OXR1: variants seen among roughly 807,000 people sequenced by gnomAD.
OXR1 encodes oxidation resistance protein 1.
In OXR1, 41 loss-of-function variants were observed where a neutral mutation model predicts 104.6. That is an observed-to-expected ratio of 0.39 (90% CI 0.31 to 0.51). The LOEUF is 0.51. Ranked by LOEUF, OXR1 falls within the 20% of genes least tolerant of loss-of-function variation. The pLI, the probability that OXR1 is intolerant of heterozygous loss-of-function variation, is 0.77. For missense variants in OXR1, 955 were observed against 1,031.9 expected (o/e 0.93, Z 1.02); for synonymous variants, 348 against 348.4 (o/e 1.00, Z 0.01).
At chr8:106,438,668 T>G (rs1819671514) in intron 2 of OXR1, among the ~76,000 whole-genome samples, 1 of 152,166 alleles carries the variant, frequency 6.6e-6, no homozygotes, top group South Asian at 2.1e-4. Context: ...AGATTTGTTC[T>G]TAGTGTTAAA....
chr8:106,610,301 A>C (rs1403053233), intron 3 of OXR1, among the ~76,000 whole-genome samples: 1 of 152,106 alleles, frequency 6.6e-6, no homozygotes, highest in Non-Finnish European at 1.5e-5. Flanking sequence ...AGCTTCATAT[A>C]TCACACAGTT....
At chr8:106,660,626 G>T (rs571308933) in intron 3 of OXR1, among the ~76,000 whole-genome samples, 3 of 152,132 alleles carry the variant, frequency 2.0e-5, no homozygotes, top group Non-Finnish European at 4.4e-5. Flanking sequence ...GAGGAGTTAC[G>T]CATCAAGAAG....
intron 1 of OXR1, among the ~76,000 whole-genome samples, chr8:106,334,427 T>C (rs141530320): frequency 4.1e-4 from 63 of 152,290 alleles, no homozygotes; most frequent in African/African-American, 1.4e-3. Context: ...ATGCCTTTTA[T>C]TTCATTTTTG....
chr8:106,277,985 A>G (rs1439739067), intron 1 of OXR1, among the ~76,000 whole-genome samples: 1 of 152,190 alleles, frequency 6.6e-6, no homozygotes, highest in East Asian at 1.9e-4. Context: ...TGCTAGCACA[A>G]TAAGAAGCCA....
intron 2 of OXR1, among the ~76,000 whole-genome samples, chr8:106,391,241 A>G (rs1391845140): frequency 6.6e-6 from 1 of 152,190 alleles, no homozygotes; most frequent in Non-Finnish European, 1.5e-5. Context: ...ATTTTTTCAC[A>G]ACTAAAAGTT....
In OXR1 at chr8:106,707,036, T is replaced by G; in HGVS notation, c.1515T>G (p.Leu505=). The change falls in exon 9 of 17, where the codon CTT becomes CTG. Residue 505 remains leucine, a synonymous_variant. Transcript: ENST00000517566. ...SQTEAEELRK[L]WKTHTMQQTK... ...CAGAGGCAGAAGAGCTACGCAAACT[T>G]TGGAAAACCCATACTATGCAACAAA... The G allele has an allele frequency of 6.2e-7, 1 of 1,613,888 alleles. No homozygotes were observed. Among genetic ancestry groups the G allele is most frequent in the Non-Finnish European group, 8.5e-7 (1 of 1,179,946 alleles).
chr8:106,410,895 T>C (rs1818431883), intron 2 of OXR1, among the ~76,000 whole-genome samples: 1 of 152,166 alleles, frequency 6.6e-6, no homozygotes, highest in African/African-American at 2.4e-5. Context: ...TCCCCAGAAA[T>C]GACTCATTTG....
At chr8:106,339,508 AAAAAAAAAAAAATATATATATAT>A (rs1563725848) in intron 1 of OXR1, among the ~76,000 whole-genome samples, 7 of 48,138 alleles carry the variant, frequency 1.5e-4, no homozygotes, top group African/African-American at 8.7e-4. Context: ...AAAAAAAAAA[AAAAAAAAAAAAATATATATATAT>A]ATATATATAT....
intron 1 of OXR1, among the ~76,000 whole-genome samples, chr8:106,318,318 A>G (rs1359384574): frequency 6.6e-6 from 1 of 152,158 alleles, no homozygotes; most frequent in Non-Finnish European, 1.5e-5. Flanking sequence ...GTTGTATAGT[A>G]TTTATTGCAG....
chr8:106,346,206 T>C (rs1815474108), intron 1 of OXR1, among the ~76,000 whole-genome samples: 1 of 151,980 alleles, frequency 6.6e-6, no homozygotes, highest in Admixed American at 6.6e-5. Context: ...TATAAATAAG[T>C]GTTATCAGAA....
chr8:106,702,780 C>T, intron 7 of OXR1, 126 bp from the exon 8 acceptor site: 1 of 661,840 alleles, frequency 1.5e-6, no homozygotes. Flanking sequence ...CATGAGAATG[C>T]CACAGTTCCT....
intron 3 of OXR1, among the ~76,000 whole-genome samples, chr8:106,544,330 C>T (rs935952107): frequency 5.9e-5 from 9 of 151,830 alleles, no homozygotes; most frequent in Admixed American, 3.9e-4. Flanking sequence ...TTGAAATGTC[C>T]AGCTTTTCTT....
chr8:106,507,758 A>G (rs1161634565), intron 2 of OXR1, among the ~76,000 whole-genome samples: 1 of 152,196 alleles, frequency 6.6e-6, no homozygotes, highest in African/African-American at 2.4e-5. Flanking sequence ...ATCACTTCGG[A>G]GTAAAGCCTT....
intron 3 of OXR1, among the ~76,000 whole-genome samples, chr8:106,619,122 A>G: frequency 6.6e-6 from 1 of 152,192 alleles, no homozygotes; most frequent in Non-Finnish European, 1.5e-5. Context: ...AATTACCATT[A>G]CTAGGTTAGT....
chr8:106,449,724 A>C (rs1820208289), intron 2 of OXR1, among the ~76,000 whole-genome samples: 1 of 152,154 alleles, frequency 6.6e-6, no homozygotes, highest in Non-Finnish European at 1.5e-5. Context: ...TAGATATTCA[A>C]ATTACAAAAT....
chr8:106,597,038 C>T (rs190827209), intron 3 of OXR1, among the ~76,000 whole-genome samples: 2 of 151,952 alleles, frequency 1.3e-5, no homozygotes, highest in South Asian at 2.1e-4. Flanking sequence ...GGGGACAGAG[C>T]GAGACTGCAC....
chr8:106,583,593 A>C (rs902667972), intron 3 of OXR1, among the ~76,000 whole-genome samples: 1 of 152,122 alleles, frequency 6.6e-6, no homozygotes, highest in Admixed American at 6.5e-5. Context: ...AAGGACCAAA[A>C]CCAGAAGAGG....
intron 2 of OXR1, among the ~76,000 whole-genome samples, chr8:106,507,125 T>C (rs527851356): frequency 6.6e-6 from 1 of 152,106 alleles, no homozygotes; most frequent in Non-Finnish European, 1.5e-5. Context: ...CAAGGAATAG[T>C]GAAAAAGGGA....
Position 106,306,144 on chromosome 8 carries a change from G to T in OXR1, c.-139+35777G>T, listed in dbSNP as rs562376164. ...ACATTAGTTTAAGTTGCACTGAGATGGTTCTCCTCTGGGAACATCTAAGGA... is the reference window on the plus strand; with the variant it reads ...ACATTAGTTTAAGTTGCACTGAGATTGTTCTCCTCTGGGAACATCTAAGGA... On this transcript the variant is annotated intron_variant, in intron 1 of 16. Coordinates refer to ENST00000517566, the MANE Select transcript of OXR1 (RefSeq NM_001198533.2). Among the ~76,000 whole-genome samples the T allele has an allele frequency of 1.3e-4, 20 of 151,868 alleles. No individual in the cohort carries two copies. In the East Asian group the frequency reaches 3.3e-3, roughly 25 times the overall value.
Sources: allele counts gnomAD v4.1 joint callset (sites outside exome capture counted in the v4.1 genomes callset), GRCh38; gene constraint gnomAD v4.1.1; transcripts MANE v1.5; gene names NCBI Gene and HGNC (gene_info 2026-07-23, HGNC 2026-07-21).